The following DCHS2 variants were observed in gnomAD, a reference collection of about 807,000 sequenced individuals.
DCHS2 encodes protocadherin-23.
DCHS2 carries 142 observed loss-of-function variants against 182.4 expected under a neutral mutation model. The ratio of observed to expected loss-of-function variants is 0.78; its 90% CI spans 0.68 to 0.89. The LOEUF is 0.89. DCHS2 is among the 40% of genes least tolerant of loss of function. DCHS2 has a pLI of 0.00. For missense variants in DCHS2, 4,319 were observed against 4,198.6 expected, an observed-to-expected ratio of 1.03 and a Z score of -0.79; for synonymous variants, 1,740 against 1,663.3, an observed-to-expected ratio of 1.05 and a Z score of -1.12.
rs1265495823 is a variant in DCHS2, at chr4:154,333,426, G to T, written c.2782C>A (p.Arg928=). Residue 928 remains arginine, a synonymous_variant, in exon 5 of 20, where the codon CGG becomes AGG. Coordinates refer to ENST00000357232, the MANE Select transcript of DCHS2 (RefSeq NM_001358235.2). ...DLGGKFSIHP[R]LGTIRTRKPL... ...TTCCGGGTGCGAATAGTGCCCAGCC[G>T]CGGGTGAATGGAGAACTTTCCGCCG... is the stretch of plus-strand genomic sequence containing the variant. 10 of 1,613,924 alleles carry T rather than the reference G, an allele frequency of 6.2e-6. No individual in the cohort carries two copies. The highest frequency in any genetic ancestry group is 8.5e-6 in the Non-Finnish European group (10 of 1,180,042).
intron 19 of DCHS2, 127 bp downstream of exon 19, chr4:154,239,043 C>A (rs1578839346): frequency 1.6e-6 from 2 of 1,259,802 alleles, no homozygotes; most frequent in East Asian, 2.6e-5. Context: ...ATGAAACAGT[C>A]GTGCTTATAA....
intron 13 of DCHS2, among the ~76,000 whole-genome samples, chr4:154,278,896 T>A (rs1733994160): frequency 6.6e-6 from 1 of 151,998 alleles, no homozygotes. Flanking sequence ...GTCCTTCAAG[T>A]TGAAACAAAA....
intron 1 of DCHS2, among the ~76,000 whole-genome samples, chr4:154,483,333 G>A (rs75204515): frequency 0.019 from 2,891 of 152,226 alleles, 84 homozygotes; most frequent in African/African-American, 0.064. Context: ...CTGAGAAAGC[G>A]GAAAGGCTGG....
chr4:154,470,718 C>A (rs577857073), intron 1 of DCHS2, among the ~76,000 whole-genome samples: 23 of 152,166 alleles, frequency 1.5e-4, no homozygotes, highest in African/African-American at 5.5e-4. Context: ...TTAACTAATA[C>A]CTGTAGTTAA....
intron 3 of DCHS2, 45 bp downstream of exon 3, chr4:154,366,165 G>C (rs10005849): frequency 0.47 from 721,124 of 1,532,140 alleles, 170,678 homozygotes; most frequent in South Asian, 0.57. Flanking sequence ...TAGTTAAGCA[G>C]AAACTTTATA....
intron 3 of DCHS2, among the ~76,000 whole-genome samples, chr4:154,341,571 G>T (rs942091488): frequency 6.6e-6 from 1 of 151,080 alleles, no homozygotes; most frequent in South Asian, 2.1e-4. Context: ...TATATGTATC[G>T]TAATGCATAC....
intron 1 of DCHS2, among the ~76,000 whole-genome samples, chr4:154,427,381 C>G (rs1733374879): frequency 6.6e-6 from 1 of 152,208 alleles, no homozygotes; most frequent in South Asian, 2.1e-4. Flanking sequence ...AAACGCCGAG[C>G]TCTGACCAAT....
At chr4:154,482,010 C>T (rs6536015) in intron 1 of DCHS2, among the ~76,000 whole-genome samples, 138,516 of 152,168 alleles carry the variant, frequency 0.91, 64,405 homozygotes, top group East Asian at 1. Flanking sequence ...GTGATAAAGC[C>T]TGAAATGAAG....
At chr4:154,357,176 A>C in intron 3 of DCHS2, 1 of 1,340,292 alleles carries the variant, frequency 7.5e-7, no homozygotes, top group Non-Finnish European at 1.1e-6. Flanking sequence ...CTTTTTGGTG[A>C]ATGCTTCTGA....
chr4:154,432,112 G>T (rs148295989), intron 1 of DCHS2, among the ~76,000 whole-genome samples: 1 of 152,154 alleles, frequency 6.6e-6, no homozygotes, highest in African/African-American at 2.4e-5. Context: ...CAAATACTGT[G>T]TGCAAAATAA....
chr4:154,323,162 A>T, intron 7 of DCHS2: 1 of 1,521,510 alleles, frequency 6.6e-7, no homozygotes. Flanking sequence ...TTGCATCTCC[A>T]ACGTGTAGCA....
intron 19 of DCHS2, chr4:154,237,615 T>C (rs1187035817): frequency 6.5e-6 from 1 of 154,314 alleles, no homozygotes; most frequent in Non-Finnish European, 1.4e-5. Flanking sequence ...TGAGTTACTA[T>C]TATACTATTG....
Position 154,315,903 on chromosome 4 carries a change from G to A in DCHS2, c.5105C>T (p.Pro1702Leu), listed in dbSNP as rs1735837855. The stretch of plus-strand genomic sequence containing the variant: ...CAAAGTCTGGGATGAAGAAAGTGCT[G>A]GTGTGCCATCATCCAGTGCCAGAAC... ...LTVLALDDGT[P>L]ALSSSQTLTV... The change falls in exon 10 of 20, where the codon CCA (proline) becomes CTA (leucine). Residue 1702 changes from proline (P) to leucine (L), a missense_variant. Coordinates refer to ENST00000357232, the MANE Select transcript of DCHS2 (RefSeq NM_001358235.2). 1 of 1,613,924 alleles carries A rather than the reference G, an allele frequency of 6.2e-7. No individual in the cohort carries two copies. Among genetic ancestry groups the A allele is most frequent in the South Asian group, 1.1e-5 (1 of 91,080 alleles).
In DCHS2 at chr4:154,491,689, C is replaced by A; in HGVS notation, c.-334G>T. On this transcript the variant is annotated 5_prime_UTR_variant, in exon 1 of 20. Coordinates refer to ENST00000357232, the MANE Select transcript of DCHS2 (RefSeq NM_001358235.2). ...TCCTTGTTCTACTCGGCTGGTTGTT[C>A]CCCCCTGGTAAAGTCAGGTGCATTA... 1.8e-6 allele frequency: 2 copies of A among 1,139,208 alleles called. No individual in the cohort carries two copies. Among genetic ancestry groups the A allele is most frequent in the South Asian group, 8.1e-5 (2 of 24,806 alleles). 70.6% of individuals were successfully genotyped at this position (1,139,208 alleles called of 1,614,324 possible).
chr4:154,348,224 CACT>C, intron 3 of DCHS2, among the ~76,000 whole-genome samples: 1 of 151,688 alleles, frequency 6.6e-6, no homozygotes, highest in East Asian at 1.9e-4. Flanking sequence ...CTCTGAACAC[CACT>C]ATTTACACCA....
At chr4:154,255,299 A>G (rs901903012) in intron 16 of DCHS2, among the ~76,000 whole-genome samples, 2 of 152,218 alleles carry the variant, frequency 1.3e-5, no homozygotes, top group Non-Finnish European at 1.5e-5. Context: ...AGGGACCTTA[A>G]AGTTTTGCTA....
Position 154,236,949 on chromosome 4 carries a change from A to C in DCHS2, c.7703T>G (p.Leu2568Arg), listed in dbSNP as rs756427602. ...ATGGTCGATGTTTGAAAATGTAACAAGCGTGCTTCCAACCAGAGCATCCTC... is the reference window on the plus strand; with the variant it reads ...ATGGTCGATGTTTGAAAATGTAACACGCGTGCTTCCAACCAGAGCATCCTC... ...LSEDALVGST[L>R]VTFSNIDHDW... The change falls in exon 20 of 20, where the codon CTT becomes CGT. Residue 2568 changes from leucine to arginine, a missense_variant. Leu to Arg is a moderately radical substitution (Grantham distance 102). Transcript: ENST00000357232. 6.2e-7 allele frequency: 1 copy of C among 1,613,966 alleles called. No homozygotes were observed. The highest frequency in any genetic ancestry group is 1.7e-5 in the Admixed American group (1 of 60,000).
chr4:154,358,758 CT>C (rs1022318044), intron 3 of DCHS2, among the ~76,000 whole-genome samples: 43 of 151,770 alleles, frequency 2.8e-4, no homozygotes, highest in African/African-American at 7.2e-4. Context: ...TTGAATCTAA[CT>C]TTTTTTTCAA....
At chr4:154,378,642 AC>A (rs943903873) in intron 1 of DCHS2, among the ~76,000 whole-genome samples, 3 of 152,184 alleles carry the variant, frequency 2.0e-5, no homozygotes, top group Non-Finnish European at 4.4e-5. Context: ...ACCTATAGGT[AC>A]TAACGTTCAC....
Sources: allele counts gnomAD v4.1 joint callset (sites outside exome capture counted in the v4.1 genomes callset), GRCh38; gene constraint gnomAD v4.1.1; transcripts MANE v1.5; gene names NCBI Gene and HGNC (gene_info 2026-07-23, HGNC 2026-07-21).